TMEM131: variants seen among roughly 807,000 people sequenced by gnomAD.
The protein encoded by TMEM131 is transmembrane protein 131.
A neutral mutation model predicts 211.6 loss-of-function variants in TMEM131; 66 were observed. The observed-to-expected ratio is 0.31, with a 90% CI of 0.26 to 0.38. TMEM131 has a LOEUF of 0.38. Ranked by LOEUF, TMEM131 falls within the 10% of genes least tolerant of loss-of-function variation. The pLI is 1.00. For synonymous variants in TMEM131, 844 were observed against 841.3 expected, an observed-to-expected ratio of 1.00 and a Z score of -0.06; for missense variants, 2,036 against 2,299.3, an observed-to-expected ratio of 0.89 and a Z score of 2.34.
At chr2:97,766,348 C>T in intron 34 of TMEM131, 85 bp from the exon 35 acceptor site, 14 of 1,599,974 alleles carry the variant, frequency 8.8e-6, no homozygotes, top group Non-Finnish European at 1.2e-5. Flanking sequence ...CTAATGAGGA[C>T]AAGAACACAG....
intron 1 of TMEM131, among the ~76,000 whole-genome samples, chr2:97,974,540 A>C (rs754273983): frequency 1.1e-4 from 17 of 152,070 alleles, no homozygotes; most frequent in Non-Finnish European, 1.5e-5. Context: ...AAAAAACTAC[A>C]CCAAGAGATA....
At chr2:97,832,048 T>C (rs1023404204) in intron 11 of TMEM131, among the ~76,000 whole-genome samples, 6 of 141,996 alleles carry the variant, frequency 4.2e-5, no homozygotes, top group African/African-American at 1.6e-4. Context: ...TCAGCTTTCC[T>C]ATCTAGAAAA....
intron 1 of TMEM131, among the ~76,000 whole-genome samples, chr2:97,936,256 G>A (rs1044528857): frequency 1.3e-5 from 2 of 152,228 alleles, no homozygotes; most frequent in Admixed American, 1.3e-4. Context: ...GAAAAGTTGG[G>A]AATAAGATGT....
At chr2:97,910,592 A>T (rs1373055417) in intron 2 of TMEM131, among the ~76,000 whole-genome samples, 1 of 152,188 alleles carries the variant, frequency 6.6e-6, no homozygotes, top group Non-Finnish European at 1.5e-5. Context: ...ACAATGTAAA[A>T]GCGTTCCTAT....
chr2:97,833,440 G>C lies in TMEM131; in HGVS notation c.1013-14C>G. 8.2e-7 allele frequency: 1 copy of C among 1,219,914 alleles called. No homozygotes were observed. Among genetic ancestry groups the C allele is most frequent in the Non-Finnish European group, 1.2e-6 (1 of 867,470 alleles). The allele number at this position is 1,219,914 out of a possible 1,614,324, so 75.6% of individuals were successfully genotyped here. A position where few individuals can be genotyped will look rare whatever the true frequency, so the allele number is the denominator to read the frequency against. On this transcript the variant is annotated splice_polypyrimidine_tract_variant and intron_variant, in intron 10 of 40. Coordinates refer to ENST00000186436, the MANE Select transcript of TMEM131 (RefSeq NM_015348.2). ...CTTTTGGTAGATCTGTTAAAATTGAGGAAAAGAAATATTTCTTAAAAAGGT... is the reference window on the plus strand; with the variant it reads ...CTTTTGGTAGATCTGTTAAAATTGACGAAAAGAAATATTTCTTAAAAAGGT...
At chr2:97,759,089 G>T (rs781133055) in intron 39 of TMEM131, 36 bp from the exon 40 acceptor site, 2 of 1,613,464 alleles carry the variant, frequency 1.2e-6, no homozygotes, top group Admixed American at 1.7e-5. Context: ...GTCCATATTT[G>T]GTTTTGCCAT....
At chr2:97,889,096 T>C (rs1319324648) in intron 3 of TMEM131, among the ~76,000 whole-genome samples, 1 of 152,250 alleles carries the variant, frequency 6.6e-6, no homozygotes, top group Non-Finnish European at 1.5e-5. Context: ...AATTTGGCTT[T>C]AATTCAATTC....
chr2:97,841,919 G>C lies in TMEM131; in HGVS notation c.619C>G (p.Pro207Ala). The C allele has an allele frequency of 6.3e-7, 1 of 1,580,166 alleles. No homozygotes were observed. ...AACGGCCTCAATCGATATGGATTTG[G>C]AACTCCAACACCAAATACCTGTTTC... ...FTYQVFGVGV[P>A]NPYRLRPFLG... Residue 207 changes from proline to alanine, a missense_variant, in exon 7 of 41, where the codon CCA becomes GCA. This residue lies in a region of TMEM131 where 277 missense variants were observed against 378.0 expected (regional missense o/e 0.73). Coordinates refer to ENST00000186436, the MANE Select transcript of TMEM131 (RefSeq NM_015348.2).
chr2:97,825,404 T>C (rs956131610), intron 11 of TMEM131, among the ~76,000 whole-genome samples: 2 of 152,222 alleles, frequency 1.3e-5, no homozygotes, highest in Non-Finnish European at 2.9e-5. Flanking sequence ...CAGCAAGGAA[T>C]GAATACAGCC....
In TMEM131 at chr2:97,947,821, T is replaced by A. The variant is rs1161984537; in HGVS notation, c.188-20334A>T. On this transcript the variant is annotated intron_variant, in intron 1 of 40. Transcript: ENST00000186436. ...TAAAATCATAGTAATCAAGATGGTA[T>A]AAAACTGACACAGATAACAGATGTG... is the stretch of plus-strand genomic sequence containing the variant. Among the ~76,000 whole-genome samples the A allele has an allele frequency of 5.3e-5, 8 of 152,272 alleles. 1 individual carries two copies. In the South Asian group the frequency reaches 1.4e-3, roughly 28 times the overall value.
At chr2:97,946,811 A>G (rs1411699135) in intron 1 of TMEM131, among the ~76,000 whole-genome samples, 1 of 152,056 alleles carries the variant, frequency 6.6e-6, no homozygotes, top group Non-Finnish European at 1.5e-5. Flanking sequence ...CTTATTACAG[A>G]TGCAAAAATT....
At chr2:97,805,775 T>C (rs1681267082) in intron 19 of TMEM131, 72 bp from the exon 20 acceptor site, 1 of 1,344,236 alleles carries the variant, frequency 7.4e-7, no homozygotes, top group Admixed American at 2.4e-5. Context: ...AGTTTCAGAG[T>C]AGACAAGCAT....
intron 3 of TMEM131, among the ~76,000 whole-genome samples, chr2:97,893,737 T>C (rs1380212678): frequency 1.3e-5 from 2 of 152,246 alleles, no homozygotes; most frequent in East Asian, 1.9e-4. Context: ...TTTGATGGTT[T>C]TTTTTTCTTG....
intron 31 of TMEM131, 59 bp downstream of exon 31, chr2:97,792,327 A>T: frequency 7.3e-7 from 1 of 1,363,092 alleles, no homozygotes; most frequent in Non-Finnish European, 9.9e-7. Flanking sequence ...ATAGCTCCTT[A>T]AGCACGCACT....
At chr2:97,765,243 T>A (rs1362882553) in intron 35 of TMEM131, 1 of 152,184 alleles carries the variant, frequency 6.6e-6, no homozygotes, top group African/African-American at 2.4e-5. Flanking sequence ...TCAGAGAGCA[T>A]CTCTTTCCAG....
chr2:97,795,779 C>T (rs1020324851), intron 28 of TMEM131, among the ~76,000 whole-genome samples: 2 of 152,072 alleles, frequency 1.3e-5, no homozygotes, highest in African/African-American at 4.8e-5. Context: ...GCAGCTATTA[C>T]TGAGATAGGT....
At chr2:97,938,503 T>C (rs1412391565) in intron 1 of TMEM131, among the ~76,000 whole-genome samples, 1 of 152,102 alleles carries the variant, frequency 6.6e-6, no homozygotes, top group Non-Finnish European at 1.5e-5. Flanking sequence ...TATGCACCAA[T>C]ACAGGAGCAC....
intron 31 of TMEM131, among the ~76,000 whole-genome samples, chr2:97,786,073 T>C (rs1680236477): frequency 6.6e-6 from 1 of 152,174 alleles, no homozygotes; most frequent in African/African-American, 2.4e-5. Flanking sequence ...AGGATTCCTG[T>C]GGGCTTGGAA....
intron 4 of TMEM131, among the ~76,000 whole-genome samples, chr2:97,865,015 G>C (rs1400636059): frequency 6.6e-6 from 1 of 152,206 alleles, no homozygotes. Flanking sequence ...GTCCCACGAT[G>C]CTTCTGCCTA....
Sources: allele counts gnomAD v4.1 joint callset (sites outside exome capture counted in the v4.1 genomes callset), GRCh38; gene constraint gnomAD v4.1.1; regional missense constraint gnomAD v4.1.1; transcripts MANE v1.5; gene names NCBI Gene and HGNC (gene_info 2026-07-23, HGNC 2026-07-21).